ZC3H15: variants seen among roughly 807,000 people sequenced by gnomAD.
ZC3H15 encodes zinc finger CCCH domain-containing protein 15.
In ZC3H15, 15 loss-of-function variants were observed where a neutral mutation model predicts 51.2. The observed-to-expected ratio is 0.29, with a 90% CI of 0.20 to 0.45. The LOEUF (loss-of-function observed/expected upper bound fraction) is 0.45. Among genes scored for constraint, ZC3H15 ranks in the 20% least tolerant of loss-of-function variants. ZC3H15 has a pLI of 1.00. For missense variants in ZC3H15, 381 were observed against 494.7 expected, an observed-to-expected ratio of 0.77 and a Z score of 2.18; for synonymous variants, 144 against 162.8, an observed-to-expected ratio of 0.88 and a Z score of 0.88.
At chr2:186,506,260 T>G (rs1685465713) in intron 8 of ZC3H15, among the ~76,000 whole-genome samples, 1 of 152,144 alleles carries the variant, frequency 6.6e-6, no homozygotes, top group Non-Finnish European at 1.5e-5. Flanking sequence ...GCACAGTCAT[T>G]TGGTTGTTGA....
intron 1 of ZC3H15, chr2:186,486,912 T>C (rs1685105652): frequency 6.3e-6 from 1 of 159,514 alleles, no homozygotes; most frequent in African/African-American, 2.4e-5. Context: ...TTAGTTCTTT[T>C]GAACCAACAA....
Position 186,486,385 on chromosome 2 carries a change from GC to G in ZC3H15, c.9del (p.Lys4ArgfsTer28). On this transcript the variant is annotated frameshift_variant, in exon 1 of 10. Coordinates refer to ENST00000337859, the MANE Select transcript of ZC3H15 (RefSeq NM_018471.3). LOFTEE classifies it high-confidence loss of function. ...GGCCGGTGCCATCTGTCTCCGCAATGCCCCCCAAGAAACAGGCTCAGGCCGG... is the reference window on the plus strand; with the variant it reads ...GGCCGGTGCCATCTGTCTCCGCAATGCCCCCAAGAAACAGGCTCAGGCCGG... M[P>X]PKKQAQAGGS... 1.3e-6 allele frequency: 2 copies of G among 1,544,032 alleles called. No homozygotes were observed. The highest frequency in any genetic ancestry group is 1.8e-6 in the Non-Finnish European group (2 of 1,141,546).
chr2:186,498,010 A>G (rs1685311025), intron 2 of ZC3H15, among the ~76,000 whole-genome samples: 1 of 152,138 alleles, frequency 6.6e-6, no homozygotes, highest in Admixed American at 6.6e-5. Context: ...ACTGAAGCCA[A>G]GGGGATGTAC....
Position 186,494,761 on chromosome 2 carries a change from A to C in ZC3H15, c.76-472A>C, listed in dbSNP as rs148469357. On this transcript the variant is annotated intron_variant, in intron 1 of 9. Coordinates refer to ENST00000337859, the MANE Select transcript of ZC3H15 (RefSeq NM_018471.3). The stretch of plus-strand genomic sequence containing the variant: ...CTCATGTTCTCACTCATAGGTGGGA[A>C]TCGAACAATGAGAACACTTGGACAC... Among the ~76,000 whole-genome samples the C allele has an allele frequency of 2.0e-3, 305 of 152,264 alleles. 1 individual carries two copies. The highest frequency in any genetic ancestry group is 6.9e-3 in the African/African-American group (286 of 41,556).
intron 8 of ZC3H15, among the ~76,000 whole-genome samples, 153 bp from the exon 9 acceptor site, chr2:186,506,559 TG>T (rs1054136743): frequency 3.5e-4 from 54 of 152,318 alleles, no homozygotes; most frequent in African/African-American, 1.2e-3. Context: ...CCCAAAGTGT[TG>T]GGATTACAGG....
At chr2:186,501,912 A>G (rs536450055) in intron 4 of ZC3H15, among the ~76,000 whole-genome samples, 16 of 152,018 alleles carry the variant, frequency 1.1e-4, no homozygotes, top group Non-Finnish European at 2.1e-4. Flanking sequence ...GGGTTTCACC[A>G]TGTTGGCCAG....
intron 2 of ZC3H15, 139 bp from the exon 3 acceptor site, chr2:186,500,043 C>G (rs1054400412): frequency 2.9e-6 from 2 of 684,108 alleles, no homozygotes; most frequent in Non-Finnish European, 4.9e-6. Flanking sequence ...TGAATAGACT[C>G]TGTAAGGCCA....
Position 186,504,154 on chromosome 2 carries a change from A to G in ZC3H15, c.657A>G (p.Lys219=). 1 of 1,611,132 alleles carries G rather than the reference A, an allele frequency of 6.2e-7. No individual in the cohort carries two copies. The highest frequency in any genetic ancestry group is 8.5e-7 in the Non-Finnish European group (1 of 1,178,510). The change falls in exon 6 of 10, where the codon AAA becomes AAG. Residue 219 remains lysine, a synonymous_variant. Transcript: ENST00000337859. ...TTCCTCCTGGATTTGTGTTGAAAAA[A>G]GATAAAAAGAAAGAAGAGAAAGAAG... The part of the protein sequence containing the change: ...HALPPGFVLK[K]DKKKEEKEDE...
intron 1 of ZC3H15, among the ~76,000 whole-genome samples, chr2:186,493,023 T>G (rs763969609): frequency 2.6e-4 from 39 of 152,092 alleles, no homozygotes; most frequent in Admixed American, 6.5e-4. Context: ...AGTAGATGGA[T>G]GAGTTGGTAA....
At chr2:186,503,437 C>T (rs978978605) in intron 5 of ZC3H15, among the ~76,000 whole-genome samples, 2 of 152,114 alleles carry the variant, frequency 1.3e-5, no homozygotes, top group East Asian at 1.9e-4. Flanking sequence ...AGTGCAGTGG[C>T]GCAATCTTAG....
intron 2 of ZC3H15, among the ~76,000 whole-genome samples, 167 bp from the exon 3 acceptor site, chr2:186,500,015 A>G (rs1271677743): frequency 6.6e-6 from 1 of 152,196 alleles, no homozygotes; most frequent in Non-Finnish European, 1.5e-5. Context: ...ATTTTGTTTA[A>G]TAGTTTAACC....
chr2:186,497,526 T>A (rs1685302993), intron 2 of ZC3H15, among the ~76,000 whole-genome samples: 1 of 152,196 alleles, frequency 6.6e-6, no homozygotes, highest in Admixed American at 6.5e-5. Flanking sequence ...TGTTACATGA[T>A]CCTTAAATAG....
At chr2:186,488,266 C>A (rs2105583777) in intron 1 of ZC3H15, among the ~76,000 whole-genome samples, 1 of 152,290 alleles carries the variant, frequency 6.6e-6, no homozygotes, top group East Asian at 1.9e-4. Context: ...ACCCAGGTAG[C>A]TGCCACCCTA....
At chr2:186,488,530 T>C (rs1279608124) in intron 1 of ZC3H15, 1 of 152,256 alleles carries the variant, frequency 6.6e-6, no homozygotes, top group African/African-American at 2.4e-5. Flanking sequence ...AAGTATTCTC[T>C]TGTATGGGAA....
At chr2:186,499,790 T>G (rs1574425092) in intron 2 of ZC3H15, 1 of 336,656 alleles carries the variant, frequency 3.0e-6, no homozygotes, top group African/African-American at 2.2e-5. Flanking sequence ...TTTGGGGTGG[T>G]ATAATTCATT....
chr2:186,495,598 A>C (rs1357123139), intron 2 of ZC3H15, among the ~76,000 whole-genome samples: 1 of 152,192 alleles, frequency 6.6e-6, no homozygotes, highest in Admixed American at 6.5e-5. Context: ...ACTGTTCATA[A>C]GTGATCACTT....
At chr2:186,506,900 G>A (rs1201122431) in intron 9 of ZC3H15, 64 bp downstream of exon 9, 1 of 1,537,434 alleles carries the variant, frequency 6.5e-7, no homozygotes, top group African/African-American at 1.4e-5. Context: ...GGTTATACCA[G>A]GCTTGGCAAA....
In ZC3H15 at chr2:186,506,806, A is replaced by G. The variant is rs1045899270; in HGVS notation, c.1060A>G (p.Arg354Gly). The G allele has an allele frequency of 4.3e-6, 7 of 1,613,608 alleles. No individual in the cohort carries two copies. Among genetic ancestry groups the G allele is most frequent in the Non-Finnish European group, 5.1e-6 (6 of 1,179,834 alleles). ...AGGTATTACTGTAGCCAGTCTTGAA[A>G]GATTCAGCACATATACTTCAGATAA... is the stretch of plus-strand genomic sequence containing the variant. ...ETGITVASLE[R>G]FSTYTSDKDE... is the part of the protein sequence containing the mutation. Residue 354 changes from arginine to glycine, a missense_variant, in exon 9 of 10, where the codon AGA becomes GGA. By Grantham distance (125) the Arg-to-Gly change is moderately radical (BLOSUM62 -2). Coordinates refer to ENST00000337859, the MANE Select transcript of ZC3H15 (RefSeq NM_018471.3).
At chr2:186,491,776 A>G (rs909912852) in intron 1 of ZC3H15, among the ~76,000 whole-genome samples, 9 of 152,144 alleles carry the variant, frequency 5.9e-5, no homozygotes, top group African/African-American at 2.2e-4. Flanking sequence ...AGGATTCAAT[A>G]AAGTATATAT....
Sources: gnomAD v4.1 joint callset for allele counts (sites outside exome capture counted in the v4.1 genomes callset) on GRCh38, gnomAD v4.1.1 for gene constraint, MANE v1.5 for transcripts, NCBI Gene and HGNC (gene_info 2026-07-23, HGNC 2026-07-21) for gene names.